The following SBF2 variants were observed in gnomAD, a reference collection of about 807,000 sequenced individuals.
SBF2 encodes the protein myotubularin-related protein 13.
A neutral mutation model predicts 225.2 loss-of-function variants in SBF2; 112 were observed. The observed-to-expected ratio is 0.50, with a 90% CI of 0.43 to 0.58. The LOEUF (loss-of-function observed/expected upper bound fraction) is 0.58. SBF2 is among the 20% of genes least tolerant of loss of function. The probability of loss-of-function intolerance (pLI) is 0.00; values close to 1 mark genes in which losing one functional copy is unlikely to be tolerated. For missense variants in SBF2, 1,996 were observed against 2,206.2 expected (o/e 0.90, Z 1.91); for synonymous variants, 763 against 773.3 (o/e 0.99, Z 0.22).
At chr11:10,180,207 T>C (rs1369570002) in intron 2 of SBF2, among the ~76,000 whole-genome samples, 1 of 152,156 alleles carries the variant, frequency 6.6e-6, no homozygotes, top group South Asian at 2.1e-4. Context: ...TTATTTCTTA[T>C]TAATGTTTTT....
chr11:10,014,143 G>A (rs1301941807), intron 6 of SBF2, among the ~76,000 whole-genome samples: 2 of 152,058 alleles, frequency 1.3e-5, no homozygotes, highest in African/African-American at 4.8e-5. Flanking sequence ...GTGAGAAATG[G>A]TATCAAAGAC....
intron 16 of SBF2, among the ~76,000 whole-genome samples, chr11:9,938,235 G>C (rs1031673048): frequency 5.0e-4 from 75 of 151,370 alleles, no homozygotes; most frequent in Non-Finnish European, 1.5e-4. Flanking sequence ...AGCTTGCAGT[G>C]AGCTGAGATC....
At chr11:10,132,662 G>T (rs1356116295) in intron 2 of SBF2, among the ~76,000 whole-genome samples, 1 of 148,986 alleles carries the variant, frequency 6.7e-6, no homozygotes, top group Non-Finnish European at 1.5e-5. Flanking sequence ...CAAAGAGTGA[G>T]CAGTAGCAAG....
intron 2 of SBF2, among the ~76,000 whole-genome samples, chr11:10,160,629 C>A (rs1313723539): frequency 6.6e-6 from 1 of 152,010 alleles, no homozygotes; most frequent in Non-Finnish European, 1.5e-5. Context: ...GGAGATTGTC[C>A]TTAAAAACTG....
intron 2 of SBF2, among the ~76,000 whole-genome samples, chr11:10,123,284 A>C (rs1255942865): frequency 6.6e-6 from 1 of 152,192 alleles, no homozygotes; most frequent in Non-Finnish European, 1.5e-5. Context: ...TTCAGCTCAC[A>C]AATACTTGCA....
At chr11:10,277,132 CAAAAAA>C (rs11310738) in intron 1 of SBF2, among the ~76,000 whole-genome samples, 121 of 73,498 alleles carry the variant, frequency 1.6e-3, no homozygotes, top group African/African-American at 5.8e-3. Context: ...GACCCCATCT[CAAAAAA>C]AAAAAAAAAA....
chr11:10,083,689 T>C lies in SBF2; in HGVS notation c.142-40708A>G, dbSNP rs369722336. On this transcript the variant is annotated intron_variant, in intron 2 of 39. Transcript: ENST00000256190. ...GAGTGCCATATGGAGAAGAATAAAA[T>C]AGAACCCATATCTCTCACCATATGC... Among the ~76,000 whole-genome samples the C allele has an allele frequency of 4.6e-5, 7 of 152,168 alleles. No individual in the cohort carries two copies. The East Asian group carries it at 1.2e-3, about 25-fold the overall frequency.
chr11:10,060,229 A>C (rs77654792), intron 2 of SBF2, among the ~76,000 whole-genome samples: 143 of 152,344 alleles, frequency 9.4e-4, no homozygotes, highest in African/African-American at 3.0e-3. Context: ...AAAAATAACC[A>C]TCAGAAACTA....
intron 1 of SBF2, among the ~76,000 whole-genome samples, chr11:10,284,788 T>C (rs1963636413): frequency 6.6e-6 from 1 of 152,108 alleles, no homozygotes; most frequent in African/African-American, 2.4e-5. Context: ...TTCATTTTTA[T>C]GTTTTTTTAA....
At chr11:10,173,453 A>T (rs971130329) in intron 2 of SBF2, among the ~76,000 whole-genome samples, 2 of 152,234 alleles carry the variant, frequency 1.3e-5, no homozygotes, top group Admixed American at 6.5e-5. Context: ...CTTTTCCGAC[A>T]GGCTTAAAAA....
chr11:9,938,756 T>A (rs1366428203), intron 16 of SBF2, among the ~76,000 whole-genome samples: 1 of 151,958 alleles, frequency 6.6e-6, no homozygotes, highest in African/African-American at 2.4e-5. Flanking sequence ...CCAGCTGCAA[T>A]AAGAATCTTG....
At chr11:10,243,805 C>T (rs960649440) in intron 1 of SBF2, among the ~76,000 whole-genome samples, 1 of 152,004 alleles carries the variant, frequency 6.6e-6, no homozygotes, top group African/African-American at 2.4e-5. Context: ...AATCTATAAT[C>T]AAAAACCAAA....
chr11:9,821,577 T>C (rs748319224), intron 28 of SBF2, among the ~76,000 whole-genome samples: 2 of 152,242 alleles, frequency 1.3e-5, no homozygotes, highest in Non-Finnish European at 2.9e-5. Context: ...GAATGATTTC[T>C]AGATGTCCTG....
Position 9,856,556 on chromosome 11 carries a change from C to T in SBF2, c.2265G>A (p.Val755=), listed in dbSNP as rs1409735682. The change falls in exon 19 of 40, where the codon GTG becomes GTA. Residue 755 remains valine (V), a synonymous_variant. Coordinates refer to ENST00000256190, the MANE Select transcript of SBF2 (RefSeq NM_030962.4). ...TTGTGTCGAGTGGAACTAGCAGGTT[C>T]ACCATGAGGTTTGCAAAGTGAATGG... ...SQAIHFANLM[V]NLLVPLDTSK... 4 of 1,614,110 alleles carry T rather than the reference C, an allele frequency of 2.5e-6. No individual in the cohort carries two copies. The highest frequency in any genetic ancestry group is 4.5e-5 in the East Asian group (2 of 44,866).
chr11:10,021,453 A>C (rs1948854544), intron 6 of SBF2, among the ~76,000 whole-genome samples: 1 of 152,156 alleles, frequency 6.6e-6, no homozygotes, highest in Non-Finnish European at 1.5e-5. Context: ...AAAACAAAAA[A>C]AACAAAAAAA....
intron 1 of SBF2, among the ~76,000 whole-genome samples, chr11:10,217,834 C>T (rs565720509): frequency 1.3e-5 from 2 of 152,220 alleles, no homozygotes; most frequent in East Asian, 3.9e-4. Flanking sequence ...GTTTAATAGA[C>T]TAACAATTCC....
In SBF2 at chr11:10,294,095, C is replaced by T. The variant is rs1486187014; in HGVS notation, c.-26G>A. On this transcript the variant is annotated 5_prime_UTR_variant, in exon 1 of 40. Coordinates refer to ENST00000256190, the MANE Select transcript of SBF2 (RefSeq NM_030962.4). ...GGCCGCCGCCGCCGCGCTCGGGAAG[C>T]GGGTCCCCGTCGCCGCCCTCGCCGC... The T allele has an allele frequency of 2.2e-6, 3 of 1,342,320 alleles. No individual in the cohort carries two copies. Among genetic ancestry groups the T allele is most frequent in the Non-Finnish European group, 1.9e-6 (2 of 1,047,440 alleles). The allele number at this position is 1,342,320 out of a possible 1,614,324, so 83.2% of individuals were successfully genotyped here.
At chr11:10,043,195 T>C (rs1949722333) in intron 2 of SBF2, among the ~76,000 whole-genome samples, 1 of 152,194 alleles carries the variant, frequency 6.6e-6, no homozygotes, top group South Asian at 2.1e-4. Flanking sequence ...TAGCCTCGAT[T>C]TCCCACAGTT....
intron 2 of SBF2, among the ~76,000 whole-genome samples, chr11:10,077,094 T>C (rs890898773): frequency 2.0e-5 from 3 of 152,166 alleles, no homozygotes; most frequent in African/African-American, 7.2e-5. Context: ...GCAGAGCTTA[T>C]TACATTATCT....
Sources: allele counts gnomAD v4.1 joint callset (sites outside exome capture counted in the v4.1 genomes callset), GRCh38; gene constraint gnomAD v4.1.1; transcripts MANE v1.5; gene names NCBI Gene and HGNC (gene_info 2026-07-23, HGNC 2026-07-21).